The following PTPRN2 variants were observed in gnomAD, a reference collection of about 807,000 sequenced individuals.
The protein encoded by PTPRN2 is receptor-type tyrosine-protein phosphatase N2.
PTPRN2 carries 74 observed loss-of-function variants against 118.8 expected under a neutral mutation model. The observed-to-expected ratio is 0.62, with a 90% CI of 0.52 to 0.76. The LOEUF is 0.76. PTPRN2 is among the 30% of genes least tolerant of loss of function. The probability of loss-of-function intolerance (pLI) is 0.00; values close to 1 mark genes in which losing one functional copy is unlikely to be tolerated. For missense variants in PTPRN2, 1,481 were observed against 1,394.4 expected (o/e 1.06, Z -0.99); for synonymous variants, 641 against 608.0 (o/e 1.05, Z -0.80).
chr7:158,306,528 G>GTCA (rs56261834), intron 3 of PTPRN2, among the ~76,000 whole-genome samples: 142,530 of 152,086 alleles, frequency 0.94, 66,854 homozygotes, highest in Non-Finnish European at 0.96. Flanking sequence ...AATCTGTCTG[G>GTCA]TCATCTGACC....
intron 14 of PTPRN2, among the ~76,000 whole-genome samples, chr7:157,644,287 C>A (rs1277230804): frequency 6.6e-6 from 1 of 152,220 alleles, no homozygotes; most frequent in Non-Finnish European, 1.5e-5. Context: ...CATCTGCCAG[C>A]CACGGAGAGA....
chr7:157,634,446 C>T (rs527683005), intron 14 of PTPRN2, among the ~76,000 whole-genome samples: 2 of 152,156 alleles, frequency 1.3e-5, no homozygotes, highest in Admixed American at 1.3e-4. Flanking sequence ...CTGCCCATAG[C>T]TAAACCCCAA....
intron 11 of PTPRN2, among the ~76,000 whole-genome samples, chr7:157,918,078 A>G (rs7784964): frequency 0.8 from 121,197 of 152,176 alleles, 48,491 homozygotes; most frequent in African/African-American, 0.86. Flanking sequence ...ACGCACTGCC[A>G]CAAATAGCCT....
chr7:157,825,450 C>A (rs180954649), intron 12 of PTPRN2, among the ~76,000 whole-genome samples: 9 of 152,342 alleles, frequency 5.9e-5, no homozygotes, highest in Non-Finnish European at 8.8e-5. Context: ...AAGTGCATTT[C>A]CAGCTCATTT....
chr7:158,586,743 C>A (rs1253708185), intron 1 of PTPRN2, among the ~76,000 whole-genome samples: 1 of 152,220 alleles, frequency 6.6e-6, no homozygotes, highest in African/African-American at 2.4e-5. Flanking sequence ...CTGATTTCGG[C>A]GGCGCTGCCC....
chr7:158,132,411 C>G (rs1818416596), intron 9 of PTPRN2, among the ~76,000 whole-genome samples: 1 of 151,882 alleles, frequency 6.6e-6, no homozygotes, highest in African/African-American at 2.4e-5. Context: ...CAATACACAT[C>G]TACCCGACAC....
chr7:157,918,255 G>C (rs766383970), intron 11 of PTPRN2, among the ~76,000 whole-genome samples: 2 of 152,232 alleles, frequency 1.3e-5, no homozygotes, highest in Non-Finnish European at 2.9e-5. Context: ...CTAAGACAAG[G>C]AAATTAGTAT....
At chr7:158,351,136 G>A (rs1416081131) in intron 2 of PTPRN2, among the ~76,000 whole-genome samples, 1 of 152,200 alleles carries the variant, frequency 6.6e-6, no homozygotes, top group Non-Finnish European at 1.5e-5. Context: ...GAGGCAGAAG[G>A]ACCTCACCGA....
intron 12 of PTPRN2, among the ~76,000 whole-genome samples, chr7:157,717,638 C>T (rs962793162): frequency 7.9e-5 from 12 of 152,276 alleles, no homozygotes; most frequent in African/African-American, 2.9e-4. Context: ...CACGCCTCAC[C>T]TCTCAGGCCA....
intron 1 of PTPRN2, among the ~76,000 whole-genome samples, chr7:158,523,288 G>C (rs1054729567): frequency 6.6e-6 from 1 of 152,176 alleles, no homozygotes; most frequent in Admixed American, 6.6e-5. Flanking sequence ...CACGGTGAGG[G>C]CTGGTGCGGA....
At chr7:157,578,175 CTG>C in intron 17 of PTPRN2, 35 bp from the exon 18 acceptor site, 1 of 1,583,546 alleles carries the variant, frequency 6.3e-7, no homozygotes, top group Non-Finnish European at 8.6e-7. Context: ...CGCGGTGTGA[CTG>C]TCTCATCACC....
In PTPRN2 at chr7:157,656,450, C is replaced by T. The variant is rs751000558; in HGVS notation, c.2103G>A (p.Pro701=). The change falls in exon 14 of 23, where the codon CCG becomes CCA. Residue 701 remains proline, a synonymous_variant. Transcript: ENST00000389418. ...TGCTGCGTGCGGAGGGGCTGGGGAT[C>T]GGCCCGTCGCTGAACTGGGATGAGA... is the stretch of plus-strand genomic sequence containing the variant. ...SSVSSQFSDG[P]IPSPSARSSA... 1.9e-5 allele frequency: 30 copies of T among 1,553,504 alleles called. No individual in the cohort carries two copies. The highest frequency in any genetic ancestry group is 4.1e-5 in the African/African-American group (3 of 73,270).
chr7:158,469,667 C>A (rs552111191), intron 2 of PTPRN2, among the ~76,000 whole-genome samples: 1 of 150,126 alleles, frequency 6.7e-6, no homozygotes, highest in East Asian at 1.9e-4. Flanking sequence ...CAGCAAGATG[C>A]TCCTCAATCA....
intron 21 of PTPRN2, among the ~76,000 whole-genome samples, chr7:157,559,569 GCA>G: frequency 6.6e-6 from 1 of 152,202 alleles, no homozygotes; most frequent in South Asian, 2.1e-4. Flanking sequence ...AGCAAGATGC[GCA>G]CAGAGGACGG....
At chr7:158,372,320 G>C (rs1359660302) in intron 2 of PTPRN2, among the ~76,000 whole-genome samples, 1 of 138,632 alleles carries the variant, frequency 7.2e-6, no homozygotes, top group Non-Finnish European at 1.6e-5. Flanking sequence ...GCTGGTCCCC[G>C]GAGCTGGTCC....
intron 5 of PTPRN2, among the ~76,000 whole-genome samples, chr7:158,188,158 TACTGGGAAGGCCGCCACGCTCGCCCCGCG>T (rs1825340040): frequency 1.5e-5 from 2 of 136,114 alleles, no homozygotes; most frequent in African/African-American, 2.8e-5. Flanking sequence ...TCGCCCCCTG[TACTGGGAAGGCCGCCACGCTCGCCCCGCG>T]ATGGGGAAGG....
At chr7:158,463,351 T>A (rs1563324090) in intron 2 of PTPRN2, among the ~76,000 whole-genome samples, 1 of 151,932 alleles carries the variant, frequency 6.6e-6, no homozygotes, top group African/African-American at 2.4e-5. Context: ...ATCATTACTA[T>A]CATCACCATC....
At chr7:158,298,630 G>A (rs966147092) in intron 3 of PTPRN2, among the ~76,000 whole-genome samples, 2 of 152,214 alleles carry the variant, frequency 1.3e-5, no homozygotes, top group Admixed American at 6.5e-5. Flanking sequence ...AGGAATGGCC[G>A]AGAAACTTCC....
rs1198600666 is a variant in PTPRN2, at chr7:157,690,198, G to T, written c.1789-7261C>A. ...AGCTGCCAACCCTCCAAATCTGTGC[G>T]CTCAGAAGGAGCTGCCCTTTGCCCG... On this transcript the variant is annotated intron_variant, in intron 12 of 22. Coordinates refer to ENST00000389418, the MANE Select transcript of PTPRN2 (RefSeq NM_002847.5). This position sits in a 1 kb window ranked among gnomAD's most constrained non-coding sequence, Gnocchi z 7.1. Among the ~76,000 whole-genome samples, 1 of 152,150 alleles carries T rather than the reference G, an allele frequency of 6.6e-6. No individual in the cohort carries two copies. The highest frequency in any genetic ancestry group is 1.9e-4 in the East Asian group (1 of 5,162).
Sources: allele counts gnomAD v4.1 joint callset (sites outside exome capture counted in the v4.1 genomes callset), GRCh38; gene constraint gnomAD v4.1.1; non-coding constraint Gnocchi (gnomAD v3.1); transcripts MANE v1.5; gene names NCBI Gene and HGNC (gene_info 2026-07-23, HGNC 2026-07-21).